The following DLGAP2 variants were observed in gnomAD, a reference collection of about 807,000 sequenced individuals.
DLGAP2 encodes disks large-associated protein 2.
In DLGAP2, 26 loss-of-function variants were observed where a neutral mutation model predicts 100.3. That is an observed-to-expected ratio of 0.26 (90% confidence interval 0.19 to 0.36). The LOEUF is 0.36. Among genes scored for constraint, DLGAP2 ranks in the 10% least tolerant of loss-of-function variants. DLGAP2 has a pLI of 1.00. For synonymous variants in DLGAP2, 886 were observed against 630.1 expected (o/e 1.41, Z -6.08); for missense variants, 1,858 against 1,453.2 (o/e 1.28, Z -4.53).
chr8:1,243,869 A>G (rs1335811065), intron 2 of DLGAP2, among the ~76,000 whole-genome samples: 2 of 152,130 alleles, frequency 1.3e-5, no homozygotes, highest in Non-Finnish European at 2.9e-5. Context: ...CTCACTATCC[A>G]CATGATTAAG....
chr8:1,039,511 G>T (rs1304672204), intron 2 of DLGAP2, among the ~76,000 whole-genome samples: 4 of 136,742 alleles, frequency 2.9e-5, no homozygotes, highest in African/African-American at 1.1e-4. Context: ...TGGTCGGCTC[G>T]GTGTGCATGT....
chr8:1,423,767 G>T (rs1404600901), intron 3 of DLGAP2, among the ~76,000 whole-genome samples: 1 of 152,188 alleles, frequency 6.6e-6, no homozygotes, highest in African/African-American at 2.4e-5. Context: ...AGGGCTAGTG[G>T]CAGGAGCAAC....
intron 6 of DLGAP2, among the ~76,000 whole-genome samples, chr8:1,587,330 T>G (rs1796151850): frequency 6.6e-6 from 1 of 152,200 alleles, no homozygotes; most frequent in Admixed American, 6.5e-5. Flanking sequence ...GGGGATGGTC[T>G]TGAAAAAGGA....
chr8:1,424,889 G>C (rs923866236), intron 3 of DLGAP2, among the ~76,000 whole-genome samples: 8 of 152,196 alleles, frequency 5.3e-5, no homozygotes. Context: ...AGAATGAGGA[G>C]GGCTGTTTAA....
At chr8:1,042,492 G>A (rs1050432753) in intron 2 of DLGAP2, among the ~76,000 whole-genome samples, 2 of 152,198 alleles carry the variant, frequency 1.3e-5, no homozygotes, top group Non-Finnish European at 2.9e-5. Flanking sequence ...GTCGTGTTCT[G>A]CCTGAGATGT....
At chr8:973,269 C>A in intron 2 of DLGAP2, among the ~76,000 whole-genome samples, 2 of 147,478 alleles carry the variant, frequency 1.4e-5, no homozygotes, top group Middle Eastern at 7.1e-3. Flanking sequence ...ACCTCCCTCC[C>A]GGACGGGGCA....
intron 1 of DLGAP2, among the ~76,000 whole-genome samples, chr8:818,225 C>A (rs1176879682): frequency 6.6e-6 from 1 of 152,078 alleles, no homozygotes; most frequent in Non-Finnish European, 1.5e-5. Context: ...AAGTTATATT[C>A]CCAGGGGGAT....
At chr8:1,061,355 G>C (rs1378276569) in intron 2 of DLGAP2, among the ~76,000 whole-genome samples, 1 of 152,166 alleles carries the variant, frequency 6.6e-6, no homozygotes, top group Non-Finnish European at 1.5e-5. Flanking sequence ...TTGTAGGCCT[G>C]GGCGGTGTGG....
intron 1 of DLGAP2, among the ~76,000 whole-genome samples, chr8:785,032 C>A (rs1217634488): frequency 6.6e-6 from 1 of 151,638 alleles, no homozygotes; most frequent in African/African-American, 2.4e-5. Context: ...ATGGTGAAAC[C>A]CCCTCTCTAC....
intron 2 of DLGAP2, among the ~76,000 whole-genome samples, chr8:1,156,099 A>C (rs1796779659): frequency 6.6e-6 from 1 of 152,092 alleles, no homozygotes; most frequent in Non-Finnish European, 1.5e-5. Context: ...GGTACAGCCG[A>C]GCCCTGTTTC....
chr8:988,072 C>T (rs988824075), intron 2 of DLGAP2, among the ~76,000 whole-genome samples: 3 of 152,186 alleles, frequency 2.0e-5, no homozygotes, highest in Non-Finnish European at 4.4e-5. Context: ...AGGGGCCTAG[C>T]ATGGTTCTAT....
intron 6 of DLGAP2, among the ~76,000 whole-genome samples, chr8:1,576,084 A>T (rs1166922580): frequency 1.3e-5 from 2 of 152,158 alleles, no homozygotes; most frequent in African/African-American, 4.8e-5. Context: ...AGTCCCACCA[A>T]CAGTGTAAAA....
intron 1 of DLGAP2, among the ~76,000 whole-genome samples, chr8:890,584 C>T (rs539902666): frequency 3.9e-5 from 6 of 152,088 alleles, no homozygotes; most frequent in South Asian, 2.1e-4. Context: ...CTTCCCTCTG[C>T]GGCTGCGTAA....
At chr8:1,681,917 ACGGCCC>A (rs1798958647) in intron 12 of DLGAP2, among the ~76,000 whole-genome samples, 11 of 148,178 alleles carry the variant, frequency 7.4e-5, no homozygotes, top group South Asian at 2.1e-4. Context: ...ACTGGGAGTC[ACGGCCC>A]TCTGACGTTG....
chr8:835,427 T>C (rs1283053312), intron 1 of DLGAP2, among the ~76,000 whole-genome samples: 10 of 151,898 alleles, frequency 6.6e-5, no homozygotes, highest in Non-Finnish European at 1.2e-4. Flanking sequence ...CCAGGCCCTG[T>C]TTTAGATTCC....
intron 2 of DLGAP2, among the ~76,000 whole-genome samples, chr8:1,251,283 GA>G (rs1799034437): frequency 6.6e-6 from 1 of 152,180 alleles, no homozygotes; most frequent in South Asian, 2.1e-4. Flanking sequence ...CATAGTACCT[GA>G]CACAAGGTAG....
At chr8:1,117,168 C>T (rs145035638) in intron 2 of DLGAP2, among the ~76,000 whole-genome samples, 37 of 113,310 alleles carry the variant, frequency 3.3e-4, no homozygotes, top group African/African-American at 9.1e-4. Flanking sequence ...TCTTGGAAAA[C>T]CCAACACCGT....
At chr8:1,377,330 G>A (rs1051787378) in intron 3 of DLGAP2, among the ~76,000 whole-genome samples, 1 of 152,232 alleles carries the variant, frequency 6.6e-6, no homozygotes, top group African/African-American at 2.4e-5. Flanking sequence ...GAATCACGAA[G>A]TCAGGAGATC....
intron 12 of DLGAP2, among the ~76,000 whole-genome samples, chr8:1,686,718 G>A (rs1183109779): frequency 6.6e-6 from 1 of 152,106 alleles, no homozygotes; most frequent in Admixed American, 6.5e-5. Context: ...TAGATTGGTG[G>A]TTACCGGAAC....
Sources: gnomAD v4.1 joint callset for allele counts (sites outside exome capture counted in the v4.1 genomes callset) on GRCh38, gnomAD v4.1.1 for gene constraint, MANE v1.5 for transcripts, NCBI Gene and HGNC (gene_info 2026-07-23, HGNC 2026-07-21) for gene names.